The following ADCY2 variants were observed in gnomAD, a reference collection of about 807,000 sequenced individuals.
ADCY2 encodes the protein adenylate cyclase type 2.
In ADCY2, 31 loss-of-function variants were observed where a neutral mutation model predicts 125.2. The observed-to-expected ratio is 0.25, with a 90% CI of 0.19 to 0.33. ADCY2 has a LOEUF of 0.33. Among genes scored for constraint, ADCY2 ranks in the 10% least tolerant of loss-of-function variants. The pLI is 1.00. For missense variants in ADCY2, 904 were observed against 1,418.2 expected (o/e 0.64, Z 5.82); for synonymous variants, 512 against 548.4 (o/e 0.93, Z 0.93).
chr5:7,800,455 A>G (rs1744555780), intron 20 of ADCY2: 1 of 152,228 alleles, frequency 6.6e-6, no homozygotes, highest in Non-Finnish European at 1.5e-5. Flanking sequence ...CGAGGTCAGG[A>G]GTTCGAGACC....
chr5:7,679,571 G>C (rs1417119854), intron 4 of ADCY2, among the ~76,000 whole-genome samples: 1 of 152,190 alleles, frequency 6.6e-6, no homozygotes, highest in Non-Finnish European at 1.5e-5. Context: ...AGAGCAGTAG[G>C]TTGAGGAAGG....
chr5:7,490,918 T>C (rs1484171367), intron 2 of ADCY2, among the ~76,000 whole-genome samples: 3 of 152,048 alleles, frequency 2.0e-5, no homozygotes, highest in Non-Finnish European at 4.4e-5. Context: ...AAGTAAGAAA[T>C]AGAAACTCTG....
chr5:7,464,498 C>T (rs1237672296), intron 2 of ADCY2, among the ~76,000 whole-genome samples: 1 of 152,156 alleles, frequency 6.6e-6, no homozygotes, highest in East Asian at 1.9e-4. Flanking sequence ...AATTCCTAAC[C>T]CACAAAATTG....
chr5:7,507,461 A>AAAT lies in ADCY2; in HGVS notation c.409-13277_409-13276insAAT, dbSNP rs374187517. Among the ~76,000 whole-genome samples, 59 of 114,102 alleles carry AAAT rather than the reference A, an allele frequency of 5.2e-4. 7 individuals carry two copies. Among genetic ancestry groups the AAAT allele is most frequent in the East Asian group, 1.8e-3 (8 of 4,480 alleles). The allele number at this position is 114,102 out of a possible 152,430, so 74.9% of individuals were successfully genotyped here. ...GTCTCAAAAAAAAAAAAAAAAAAAA[A>AAAT]GGTAACAAAGCCACTTTTGTAAAAA... On this transcript the variant is annotated intron_variant, in intron 2 of 24. Coordinates refer to ENST00000338316, the MANE Select transcript of ADCY2 (RefSeq NM_020546.3).
chr5:7,444,111 CTTT>C (rs749823885), intron 2 of ADCY2, among the ~76,000 whole-genome samples: 398 of 99,344 alleles, frequency 4.0e-3, no homozygotes, highest in African/African-American at 0.013. Context: ...GTTTTTATCT[CTTT>C]TTTTTTTTTT....
At chr5:7,617,366 G>A (rs1737801130) in intron 3 of ADCY2, among the ~76,000 whole-genome samples, 1 of 152,172 alleles carries the variant, frequency 6.6e-6, no homozygotes, top group Non-Finnish European at 1.5e-5. Flanking sequence ...CAAGGAGAGA[G>A]GCCTCAATCA....
At chr5:7,817,106 G>A (rs933017923) in intron 23 of ADCY2, 126 bp downstream of exon 23, 1 of 704,632 alleles carries the variant, frequency 1.4e-6, no homozygotes, top group Non-Finnish European at 2.4e-6. Context: ...CCCGTTGCAA[G>A]ACTGGATGAC....
intron 4 of ADCY2, among the ~76,000 whole-genome samples, chr5:7,641,846 G>A (rs755756002): frequency 3.2e-4 from 46 of 143,790 alleles, no homozygotes; most frequent in Non-Finnish European, 6.0e-4. Context: ...GTGCTGGAAA[G>A]GACTGATTTT....
chr5:7,442,391 GT>G (rs1741045821), intron 2 of ADCY2, among the ~76,000 whole-genome samples: 1 of 152,116 alleles, frequency 6.6e-6, no homozygotes, highest in Non-Finnish European at 1.5e-5. Flanking sequence ...TACTGAATAT[GT>G]TCTGTAAACT....
Position 7,489,772 on chromosome 5 carries a change from C to A in ADCY2, c.409-30966C>A, listed in dbSNP as rs1441627664. 3.3e-5 allele frequency among the ~76,000 whole-genome samples: 5 copies of A among 152,152 alleles called. No homozygotes were observed. In the East Asian group the frequency reaches 5.8e-4, roughly 18 times the overall value. ...CAGGATGTAAAACATAGAATATCCT[C>A]AATGCAGTGCCCTCTGCACTTGCCT... On this transcript the variant is annotated intron_variant, in intron 2 of 24. Coordinates refer to ENST00000338316, the MANE Select transcript of ADCY2 (RefSeq NM_020546.3).
chr5:7,596,434 G>C (rs1383138291), intron 3 of ADCY2, among the ~76,000 whole-genome samples: 1 of 152,198 alleles, frequency 6.6e-6, no homozygotes, highest in Non-Finnish European at 1.5e-5. Context: ...TGTCAAAGGA[G>C]TTGTCTTCTA....
At chr5:7,591,476 G>A (rs1014417233) in intron 3 of ADCY2, among the ~76,000 whole-genome samples, 4 of 152,136 alleles carry the variant, frequency 2.6e-5, no homozygotes, top group South Asian at 2.1e-4. Context: ...TGAGTCTTCT[G>A]AGGCCTTTTA....
intron 2 of ADCY2, among the ~76,000 whole-genome samples, chr5:7,430,524 A>ATG (rs779933902): frequency 4.1e-5 from 6 of 147,676 alleles, no homozygotes; most frequent in African/African-American, 1.5e-4. Flanking sequence ...GTGTGTATGT[A>ATG]TATATATATA....
intron 24 of ADCY2, among the ~76,000 whole-genome samples, chr5:7,822,030 A>G (rs1745317681): frequency 6.6e-6 from 1 of 152,224 alleles, no homozygotes; most frequent in African/African-American, 2.4e-5. Context: ...AAAGTGAAGA[A>G]GGAAGGGTGC....
chr5:7,452,742 C>A (rs1394178905), intron 2 of ADCY2, among the ~76,000 whole-genome samples: 1 of 152,186 alleles, frequency 6.6e-6, no homozygotes, highest in Non-Finnish European at 1.5e-5. Flanking sequence ...TCCCTTTTCA[C>A]CACATCCATG....
intron 2 of ADCY2, among the ~76,000 whole-genome samples, chr5:7,436,610 C>T (rs1212562701): frequency 6.6e-6 from 1 of 152,196 alleles, no homozygotes; most frequent in South Asian, 2.1e-4. Flanking sequence ...TCCCTAAGTC[C>T]GCATGTCTTT....
chr5:7,443,598 C>CCACTGCA (rs1347539225), intron 2 of ADCY2, among the ~76,000 whole-genome samples: 140 of 130,920 alleles, frequency 1.1e-3, no homozygotes, highest in Non-Finnish European at 1.6e-3. Context: ...CGAGATCACG[C>CCACTGCA]CACTGCACTC....
intron 7 of ADCY2, among the ~76,000 whole-genome samples, chr5:7,701,041 C>A (rs764013180): frequency 9.9e-5 from 15 of 151,524 alleles, no homozygotes; most frequent in Non-Finnish European, 1.5e-4. Flanking sequence ...ACTTTTAATT[C>A]TATGGATCTA....
intron 3 of ADCY2, among the ~76,000 whole-genome samples, chr5:7,610,580 C>T (rs963181112): frequency 6.6e-6 from 1 of 151,964 alleles, no homozygotes; most frequent in East Asian, 1.9e-4. Context: ...CTTAGAGGCT[C>T]AGCTGTAAAG....
Sources: allele counts gnomAD v4.1 joint callset (sites outside exome capture counted in the v4.1 genomes callset), GRCh38; gene constraint gnomAD v4.1.1; transcripts MANE v1.5; gene names NCBI Gene and HGNC (gene_info 2026-07-23, HGNC 2026-07-21).